ATP1B3: variants seen among roughly 807,000 people sequenced by gnomAD.
The protein encoded by ATP1B3 is sodium/potassium-transporting ATPase subunit beta-3.
A neutral mutation model predicts 30.2 loss-of-function variants in ATP1B3; 10 were observed. The observed-to-expected ratio is 0.33, with a 90% confidence interval of 0.20 to 0.56. The LOEUF is 0.56. ATP1B3 is among the 20% of genes least tolerant of loss of function. ATP1B3 has a pLI of 0.90. For missense variants in ATP1B3, 238 were observed against 336.7 expected (o/e 0.71, Z 2.29); for synonymous variants, 113 against 117.0 (o/e 0.97, Z 0.22).
chr3:141,892,346 AT>A (rs1322685973), intron 1 of ATP1B3, among the ~76,000 whole-genome samples: 61 of 151,910 alleles, frequency 4.0e-4, no homozygotes, highest in Non-Finnish European at 7.4e-4. Context: ...GACCTATTTT[AT>A]TTTCCTGTTT....
intron 6 of ATP1B3, among the ~76,000 whole-genome samples, chr3:141,922,859 G>A (rs1194714695): frequency 2.0e-5 from 3 of 152,204 alleles, no homozygotes; most frequent in Non-Finnish European, 2.9e-5. Context: ...CCAGCTGCTC[G>A]AGAGGGTGAG....
chr3:141,917,849 G>T (rs1322492879), intron 5 of ATP1B3, among the ~76,000 whole-genome samples: 1 of 150,954 alleles, frequency 6.6e-6, no homozygotes, highest in Non-Finnish European at 1.5e-5. Context: ...CTCACTGCAA[G>T]CTCCGCCTCC....
chr3:141,915,126 T>C (rs1934430844), intron 4 of ATP1B3, among the ~76,000 whole-genome samples: 1 of 152,206 alleles, frequency 6.6e-6, no homozygotes, highest in Admixed American at 6.5e-5. Context: ...CAGGAGAGGA[T>C]CAACCTTCTG....
At chr3:141,912,874 C>T (rs886065984) in intron 3 of ATP1B3, among the ~76,000 whole-genome samples, 11 of 152,160 alleles carry the variant, frequency 7.2e-5, no homozygotes, top group Non-Finnish European at 1.5e-4. Context: ...GCTAAAAACC[C>T]CCTTCTATGA....
At chr3:141,896,405 T>G (rs1934067022) in intron 1 of ATP1B3, among the ~76,000 whole-genome samples, 1 of 152,100 alleles carries the variant, frequency 6.6e-6, no homozygotes, top group Non-Finnish European at 1.5e-5. Flanking sequence ...CCTGTAGTCC[T>G]AGCTACTGGG....
At chr3:141,890,183 A>G (rs1933918566) in intron 1 of ATP1B3, among the ~76,000 whole-genome samples, 1 of 142,810 alleles carries the variant, frequency 7.0e-6, no homozygotes, top group African/African-American at 2.6e-5. Flanking sequence ...TCCTAGGCTC[A>G]AGCGATCCTC....
At chr3:141,891,924 T>G (rs1382213184) in intron 1 of ATP1B3, among the ~76,000 whole-genome samples, 1 of 151,886 alleles carries the variant, frequency 6.6e-6, no homozygotes, top group Non-Finnish European at 1.5e-5. Flanking sequence ...AGTTTTGAAT[T>G]GTGTTTTGTT....
In ATP1B3 at chr3:141,907,247, A is replaced by G; in HGVS notation, c.319A>G (p.Ile107Val). 1.2e-6 allele frequency: 2 copies of G among 1,611,900 alleles called. No individual in the cohort carries two copies. The highest frequency in any genetic ancestry group is 8.5e-7 in the Non-Finnish European group (1 of 1,179,100). Residue 107 changes from isoleucine (I) to valine (V), a missense_variant, in exon 3 of 7, where the codon ATT becomes GTT. Transcript: ENST00000286371. ...TGATCCAACTTCGTATGCAGGGTAC[A>G]TTGAAGACCTTAAGAAGTTTCTAAA... ...RSDPTSYAGY[I>V]EDLKKFLKPY... is the part of the protein sequence containing the mutation.
In ATP1B3 at chr3:141,917,114, A is replaced by G. The variant is rs530568440; in HGVS notation, c.582+1094A>G. On this transcript the variant is annotated intron_variant, in intron 5 of 6. Coordinates refer to ENST00000286371, the MANE Select transcript of ATP1B3 (RefSeq NM_001679.4). ...GTGATCTGCCCGCCTCGGCCTCTCA[A>G]AGTGCTGGGATTACAGGCATGAGTC... 2.6e-5 allele frequency among the ~76,000 whole-genome samples: 4 copies of G among 151,558 alleles called. No homozygotes were observed. The East Asian group carries it at 7.9e-4, about 30-fold the overall frequency.
intron 3 of ATP1B3, among the ~76,000 whole-genome samples, chr3:141,907,877 A>G (rs745667957): frequency 7.2e-5 from 11 of 152,142 alleles, no homozygotes; most frequent in Non-Finnish European, 1.6e-4. Context: ...TTTATTCTGC[A>G]TTAAAACTAA....
intron 1 of ATP1B3, among the ~76,000 whole-genome samples, chr3:141,889,478 C>G (rs1210726921): frequency 6.6e-6 from 1 of 151,594 alleles, no homozygotes; most frequent in Non-Finnish European, 1.5e-5. Flanking sequence ...GCCTGTGATC[C>G]CAGCACTTTG....
At chr3:141,918,546 C>G (rs1419247631) in intron 5 of ATP1B3, among the ~76,000 whole-genome samples, 1 of 151,486 alleles carries the variant, frequency 6.6e-6, no homozygotes, top group African/African-American at 2.4e-5. Context: ...TCAAGCGATT[C>G]TCCTGCCTCA....
rs1934359375 is a variant in ATP1B3, at chr3:141,911,506, T to TC, written c.347-2146_347-2145insC. Among the ~76,000 whole-genome samples the TC allele has an allele frequency of 2.6e-5, 4 of 151,888 alleles. No homozygotes were observed. The South Asian group carries it at 6.3e-4, about 24-fold the overall frequency. ...GTTATCTTGGTCTTTTTTTTTTTTT[T>TC]TCTTCATTGAGACAGTCTTACTCTG... On this transcript the variant is annotated intron_variant, in intron 3 of 6. Transcript: ENST00000286371.
rs1205705451 is a variant in ATP1B3, at chr3:141,912,277, ATTTATTTAT to A, written c.347-1372_347-1364del. On this transcript the variant is annotated intron_variant, in intron 3 of 6. Coordinates refer to ENST00000286371, the MANE Select transcript of ATP1B3 (RefSeq NM_001679.4). ...TTTGAAATTTGGTTCTTATTTATTT[ATTTATTTAT>A]TTATTTGAGATGGAGCCTCACTGTG... 7.1e-5 allele frequency among the ~76,000 whole-genome samples: 9 copies of A among 126,098 alleles called. 1 individual carries two copies. The highest frequency in any genetic ancestry group is 2.3e-4 in the African/African-American group (9 of 39,506). 82.7% of individuals were successfully genotyped at this position (126,098 alleles called of 152,430 possible). A position where few individuals can be genotyped will look rare whatever the true frequency, so the allele number is the denominator to read the frequency against.
At chr3:141,885,676 G>C (rs972027143) in intron 1 of ATP1B3, among the ~76,000 whole-genome samples, 8 of 152,152 alleles carry the variant, frequency 5.3e-5, no homozygotes, top group Admixed American at 1.3e-4. Flanking sequence ...TCGAACTCTT[G>C]ACCTCAGGTG....
At chr3:141,920,643 G>A (rs1934550275) in intron 5 of ATP1B3, among the ~76,000 whole-genome samples, 1 of 152,094 alleles carries the variant, frequency 6.6e-6, no homozygotes, top group Non-Finnish European at 1.5e-5. Flanking sequence ...ATATATTAAG[G>A]TAAAATAGGT....
At chr3:141,889,422 A>T (rs1432834371) in intron 1 of ATP1B3, among the ~76,000 whole-genome samples, 1 of 151,968 alleles carries the variant, frequency 6.6e-6, no homozygotes, top group Non-Finnish European at 1.5e-5. Flanking sequence ...TATAATATGT[A>T]TTTATTTTTA....
At chr3:141,877,010 C>G in intron 1 of ATP1B3, 100 bp downstream of exon 1, 4 of 922,934 alleles carry the variant, frequency 4.3e-6, no homozygotes, top group Non-Finnish European at 6.0e-6. Flanking sequence ...CTCCCAGCGC[C>G]GGGGCTCCCG....
In ATP1B3 at chr3:141,908,068, C is replaced by CTTTT. The variant is rs56374653; in HGVS notation, c.346+812_346+815dup. On this transcript the variant is annotated intron_variant, in intron 3 of 6. Transcript: ENST00000286371. Reference sequence around the variant, plus strand: ...AATCTTTTTTTTTGTGCCAGGCATTCTTTTTTTTTTTTTTTTTTTTTATTA... The same window carrying CTTTT: ...AATCTTTTTTTTTGTGCCAGGCATTCTTTTTTTTTTTTTTTTTTTTTTTTTATTA... Among the ~76,000 whole-genome samples, 774 of 108,712 alleles carry CTTTT rather than the reference C, an allele frequency of 7.1e-3. 1 individual carries two copies. Among genetic ancestry groups the CTTTT allele is most frequent in the Non-Finnish European group, 8.8e-3 (474 of 53,816 alleles). The allele number at this position is 108,712 out of a possible 152,430, so 71.3% of individuals were successfully genotyped here.
Sources: gnomAD v4.1 joint callset for allele counts (sites outside exome capture counted in the v4.1 genomes callset) on GRCh38, gnomAD v4.1.1 for gene constraint, MANE v1.5 for transcripts, NCBI Gene and HGNC (gene_info 2026-07-23, HGNC 2026-07-21) for gene names.